Variants in PRKACB observed in about 807,000 individuals in gnomAD.
PRKACB encodes the protein protein kinase cAMP-activated catalytic subunit beta.
A neutral mutation model predicts 51.4 loss-of-function variants in PRKACB; 16 were observed. That is an observed-to-expected ratio of 0.31 (90% CI 0.21 to 0.47). PRKACB has a LOEUF of 0.47. PRKACB is among the 20% of genes least tolerant of loss of function. The pLI is 1.00. For synonymous variants in PRKACB, 147 were observed against 154.4 expected, an observed-to-expected ratio of 0.95 and a Z score of 0.35; for missense variants, 309 against 464.5, an observed-to-expected ratio of 0.67 and a Z score of 3.08.
At position 84,211,054 on chromosome 1, in the gene PRKACB, G is replaced by T. The variant is rs572839829; in HGVS notation, c.907-3099G>T. Among the ~76,000 whole-genome samples the T allele has an allele frequency of 4.0e-5, 6 of 151,614 alleles. No homozygotes were observed. In the South Asian group the frequency reaches 1.0e-3, roughly 26 times the overall value. On this transcript the variant is annotated intron_variant, in intron 8 of 9. Transcript: ENST00000370685. ...GAGGGTGTGATATGGAGGTGAGGAG[G>T]ATATGTCTATGATTTGAAAAGGTTC...
At chr1:84,233,657 ATTCAT>A (rs1676141764) in intron 9 of PRKACB, among the ~76,000 whole-genome samples, 1 of 125,384 alleles carries the variant, frequency 8.0e-6, no homozygotes, top group African/African-American at 3.2e-5. Context: ...GCTTCATTTC[ATTCAT>A]TTCATCTTCC....
chr1:84,086,276 C>T (rs1206364515), intron 1 of PRKACB: 2 of 1,332,438 alleles, frequency 1.5e-6, no homozygotes, highest in Non-Finnish European at 2.1e-6. Flanking sequence ...CATGGGACCC[C>T]AGTAGAACTT....
intron 1 of PRKACB, among the ~76,000 whole-genome samples, chr1:84,100,705 A>G (rs761970330): frequency 5.3e-5 from 8 of 152,198 alleles, no homozygotes; most frequent in Non-Finnish European, 8.8e-5. Flanking sequence ...TAGAAGATCT[A>G]TCTACCTACC....
At chr1:84,085,195 T>C (rs551040813) in intron 1 of PRKACB, among the ~76,000 whole-genome samples, 33 of 152,350 alleles carry the variant, frequency 2.2e-4, no homozygotes, top group Admixed American at 1.8e-3. Context: ...TTTGTAGTTA[T>C]ACAGGATAGT....
intron 1 of PRKACB, among the ~76,000 whole-genome samples, chr1:84,160,168 C>G (rs1409483391): frequency 6.6e-6 from 1 of 152,088 alleles, no homozygotes; most frequent in South Asian, 2.1e-4. Context: ...TATAATTAAC[C>G]AGTGAAGCCA....
chr1:84,131,686 A>G (rs1652230972), intron 1 of PRKACB, among the ~76,000 whole-genome samples: 1 of 152,228 alleles, frequency 6.6e-6, no homozygotes, highest in Non-Finnish European at 1.5e-5. Context: ...AAGCAAATCC[A>G]GAGACTCATG....
intron 1 of PRKACB, among the ~76,000 whole-genome samples, chr1:84,121,244 AC>A (rs1651038732): frequency 6.6e-6 from 1 of 151,922 alleles, no homozygotes; most frequent in African/African-American, 2.4e-5. Flanking sequence ...CTATATAGGA[AC>A]ATTTTTATTG....
intron 9 of PRKACB, among the ~76,000 whole-genome samples, chr1:84,219,250 G>C (rs1673327378): frequency 6.7e-6 from 1 of 148,652 alleles, no homozygotes; most frequent in African/African-American, 2.5e-5. Flanking sequence ...TTGAGTTGGA[G>C]TTTCGCTCTT....
intron 1 of PRKACB, among the ~76,000 whole-genome samples, chr1:84,090,878 A>G (rs1362250518): frequency 6.6e-6 from 1 of 152,146 alleles, no homozygotes; most frequent in Non-Finnish European, 1.5e-5. Context: ...TGTAGAAATC[A>G]CATTGTACAT....
chr1:84,103,116 G>A (rs533200081), intron 1 of PRKACB, among the ~76,000 whole-genome samples: 1 of 152,162 alleles, frequency 6.6e-6, no homozygotes, highest in African/African-American at 2.4e-5. Flanking sequence ...GCTTCTTGGG[G>A]TCTTGGAAGG....
chr1:84,184,189 A>G (rs887756629), intron 4 of PRKACB, 54 bp downstream of exon 4: 1 of 1,467,670 alleles, frequency 6.8e-7, no homozygotes, highest in Non-Finnish European at 9.3e-7. Context: ...TTTTTTTAAG[A>G]TGAAACTATA....
intron 1 of PRKACB, among the ~76,000 whole-genome samples, chr1:84,092,586 G>A (rs1243636589): frequency 6.6e-6 from 1 of 152,076 alleles, no homozygotes; most frequent in African/African-American, 2.4e-5. Flanking sequence ...ATGTGTCTTT[G>A]TGTGTGCGTG....
chr1:84,181,563 T>G (rs1663480966), intron 2 of PRKACB: 1 of 716,420 alleles, frequency 1.4e-6, no homozygotes, highest in East Asian at 3.3e-5. Context: ...GGCTTTTGGT[T>G]CTTTGTAGAA....
chr1:84,221,949 C>G (rs1673792582), intron 9 of PRKACB, among the ~76,000 whole-genome samples: 1 of 152,052 alleles, frequency 6.6e-6, no homozygotes, highest in Non-Finnish European at 1.5e-5. Flanking sequence ...TACATTTTGT[C>G]TACAGTGCAG....
chr1:84,143,560 G>C (rs1367755061), upstream of PRKACB, among the ~76,000 whole-genome samples: 1 of 152,092 alleles, frequency 6.6e-6, no homozygotes, highest in Non-Finnish European at 1.5e-5. Flanking sequence ...CCAACTAGAA[G>C]GAACTTTTTT....
chr1:84,223,449 A>G (rs1308698846), intron 9 of PRKACB, among the ~76,000 whole-genome samples: 1 of 150,690 alleles, frequency 6.6e-6, no homozygotes, highest in Non-Finnish European at 1.5e-5. Context: ...ACTCACTGCA[A>G]GCTCCACCTC....
At chr1:84,089,379 C>T (rs1050339745) in intron 1 of PRKACB, among the ~76,000 whole-genome samples, 3 of 152,050 alleles carry the variant, frequency 2.0e-5, no homozygotes, top group African/African-American at 7.2e-5. Context: ...AATTATATCA[C>T]AGTTGGTATG....
chr1:84,136,263 A>G (rs779370937), intron 1 of PRKACB, among the ~76,000 whole-genome samples: 2 of 152,208 alleles, frequency 1.3e-5, no homozygotes, highest in Middle Eastern at 3.4e-3. Context: ...TAATTTTCAG[A>G]AAAAGAAAGA....
At chr1:84,158,057 T>G (rs1413993241) in intron 1 of PRKACB, among the ~76,000 whole-genome samples, 2 of 149,192 alleles carry the variant, frequency 1.3e-5, no homozygotes, top group Non-Finnish European at 3.0e-5. Flanking sequence ...ATGCTTGGTA[T>G]CATCAGTCTT....
Sources: allele counts gnomAD v4.1 joint callset (sites outside exome capture counted in the v4.1 genomes callset), GRCh38; gene constraint gnomAD v4.1.1; transcripts MANE v1.5; gene names NCBI Gene and HGNC (gene_info 2026-07-23, HGNC 2026-07-21).